NAALADL2: variants seen among roughly 807,000 people sequenced by gnomAD.
NAALADL2 encodes inactive N-acetylated-alpha-linked acidic dipeptidase-like protein 2.
In NAALADL2, 76 loss-of-function variants were observed where a neutral mutation model predicts 87.2. The observed-to-expected ratio is 0.87, with a 90% CI of 0.72 to 1.05. The LOEUF is 1.05. Among genes scored for constraint, NAALADL2 ranks in the 50% least tolerant of loss-of-function variants. The pLI, the probability that NAALADL2 is intolerant of heterozygous loss-of-function variation, is 0.00. For synonymous variants in NAALADL2, 354 were observed against 331.0 expected (o/e 1.07, Z -0.75); for missense variants, 1,089 against 945.8 (o/e 1.15, Z -1.99).
chr3:174,951,158 T>C (rs776868820), intron 1 of NAALADL2, among the ~76,000 whole-genome samples: 24 of 151,676 alleles, frequency 1.6e-4, no homozygotes, highest in Non-Finnish European at 2.9e-4. Context: ...CCTATTTTAG[T>C]TAGAAAGTAT....
intron 11 of NAALADL2, among the ~76,000 whole-genome samples, chr3:175,658,200 G>A (rs186303519): frequency 2.0e-5 from 3 of 152,044 alleles, no homozygotes; most frequent in Middle Eastern, 3.4e-3. Context: ...TGTTTTTCAC[G>A]TATGCATTTC....
chr3:174,979,187 C>T (rs944821998), intron 1 of NAALADL2, among the ~76,000 whole-genome samples: 1 of 151,360 alleles, frequency 6.6e-6, no homozygotes, highest in Non-Finnish European at 1.5e-5. Context: ...TTTTCATGCT[C>T]TCTTCTGGAG....
intron 1 of NAALADL2, among the ~76,000 whole-genome samples, chr3:175,055,886 A>G (rs1712043636): frequency 6.6e-6 from 1 of 152,184 alleles, no homozygotes; most frequent in Non-Finnish European, 1.5e-5. Flanking sequence ...CTCCAGTACC[A>G]TCACAGGCCT....
At chr3:174,821,616 A>AT (rs1721430512) in intron 3 of NAALADL2, among the ~76,000 whole-genome samples, 1 of 152,110 alleles carries the variant, frequency 6.6e-6, no homozygotes, top group Non-Finnish European at 1.5e-5. Context: ...CCTGGAGGAG[A>AT]TTTGGGCAAT....
At chr3:174,584,799 C>T (rs946719968) in intron 2 of NAALADL2, among the ~76,000 whole-genome samples, 4 of 152,056 alleles carry the variant, frequency 2.6e-5, no homozygotes, top group African/African-American at 9.7e-5. Context: ...TATTATTTAT[C>T]AAGCCAATAT....
At chr3:174,561,521 G>A (rs1276505982) in intron 2 of NAALADL2, among the ~76,000 whole-genome samples, 5 of 152,014 alleles carry the variant, frequency 3.3e-5, no homozygotes, top group African/African-American at 1.2e-4. Context: ...ACTTAACTCA[G>A]GCCAGGGTGG....
chr3:175,768,021 G>A (rs1337587559), intron 13 of NAALADL2, among the ~76,000 whole-genome samples: 4 of 152,078 alleles, frequency 2.6e-5, no homozygotes, highest in Non-Finnish European at 5.9e-5. Flanking sequence ...GGTCCTTTAT[G>A]CCATTGTCCC....
At chr3:175,087,647 T>C (rs1312743432) in intron 1 of NAALADL2, among the ~76,000 whole-genome samples, 1 of 152,134 alleles carries the variant, frequency 6.6e-6, no homozygotes, top group Non-Finnish European at 1.5e-5. Context: ...CTGTGTCCAC[T>C]CAGGGTTAAA....
intron 4 of NAALADL2, among the ~76,000 whole-genome samples, chr3:175,267,439 A>G (rs1239198125): frequency 6.6e-6 from 1 of 152,114 alleles, no homozygotes; most frequent in African/African-American, 2.4e-5. Flanking sequence ...CCCTCTGTTC[A>G]CATTGCTAAC....
intron 11 of NAALADL2, among the ~76,000 whole-genome samples, chr3:175,673,018 G>A (rs1734222593): frequency 6.6e-6 from 1 of 152,054 alleles, no homozygotes; most frequent in African/African-American, 2.4e-5. Context: ...GAATATTAAT[G>A]AGTTTTATTA....
At chr3:175,275,877 A>G (rs967119365) in intron 4 of NAALADL2, among the ~76,000 whole-genome samples, 1 of 150,954 alleles carries the variant, frequency 6.6e-6, no homozygotes, top group Non-Finnish European at 1.5e-5. Context: ...TATAATAATG[A>G]TAGTAAGAAA....
intron 1 of NAALADL2, among the ~76,000 whole-genome samples, chr3:174,892,713 C>T (rs963756798): frequency 6.6e-6 from 1 of 151,918 alleles, no homozygotes; most frequent in African/African-American, 2.4e-5. Context: ...TGCCTGAGCT[C>T]AGGAGTTCGA....
chr3:175,186,911 T>G (rs1737414411), intron 2 of NAALADL2, among the ~76,000 whole-genome samples: 1 of 152,156 alleles, frequency 6.6e-6, no homozygotes, highest in Non-Finnish European at 1.5e-5. Context: ...AAAATAATAA[T>G]AATAATAATT....
At chr3:174,960,896 G>T (rs191583415) in intron 1 of NAALADL2, among the ~76,000 whole-genome samples, 1 of 151,720 alleles carries the variant, frequency 6.6e-6, no homozygotes, top group African/African-American at 2.4e-5. Context: ...AATTTGCTGT[G>T]TGTCACTGTG....
At chr3:174,937,492 G>A (rs889503740) in intron 1 of NAALADL2, among the ~76,000 whole-genome samples, 2 of 151,966 alleles carry the variant, frequency 1.3e-5, no homozygotes, top group African/African-American at 2.4e-5. Flanking sequence ...AAACTGCTTA[G>A]AACCAATTTT....
intron 2 of NAALADL2, among the ~76,000 whole-genome samples, chr3:174,696,050 C>A (rs1292713985): frequency 1.3e-5 from 2 of 152,016 alleles, no homozygotes; most frequent in Non-Finnish European, 2.9e-5. Context: ...GTAAGAAACA[C>A]TGGTTTAACC....
chr3:175,795,903 T>C (rs1169370918), intron 13 of NAALADL2, among the ~76,000 whole-genome samples: 1 of 151,824 alleles, frequency 6.6e-6, no homozygotes, highest in African/African-American at 2.4e-5. Flanking sequence ...GGCTGGGTCT[T>C]GTTATCTGTA....
At chr3:175,214,658 T>C (rs1271489276) in intron 2 of NAALADL2, among the ~76,000 whole-genome samples, 1 of 152,180 alleles carries the variant, frequency 6.6e-6, no homozygotes, top group Non-Finnish European at 1.5e-5. Flanking sequence ...TATTGTGCTG[T>C]TAGAACAATG....
chr3:175,432,670 A>C (rs1717964083), intron 5 of NAALADL2, among the ~76,000 whole-genome samples: 1 of 152,040 alleles, frequency 6.6e-6, no homozygotes, highest in Admixed American at 6.6e-5. Context: ...CATATATGGA[A>C]AAACCCTGTC....
Sources: gnomAD v4.1 joint callset for allele counts (sites outside exome capture counted in the v4.1 genomes callset) on GRCh38, gnomAD v4.1.1 for gene constraint, MANE v1.5 for transcripts, NCBI Gene and HGNC (gene_info 2026-07-23, HGNC 2026-07-21) for gene names.